Variants in SPMIP2 observed in about 807,000 individuals in gnomAD.
SPMIP2 encodes protein SPMIP2.
chr4:159,003,210 T>G, the SPMIP2 span, among the ~76,000 whole-genome samples: 2 of 152,226 alleles, frequency 1.3e-5, no homozygotes, highest in Non-Finnish European at 2.9e-5. Context: ...ATTTCCTTTT[T>G]CATTTGTTTT....
At chr4:158,972,308 G>C in the SPMIP2 span, among the ~76,000 whole-genome samples, 1 of 152,238 alleles carries the variant, frequency 6.6e-6, no homozygotes, top group Non-Finnish European at 1.5e-5. Context: ...GTTACAGCGA[G>C]TCAAGATCGT....
the SPMIP2 span, among the ~76,000 whole-genome samples, chr4:158,959,500 T>C: frequency 6.6e-6 from 1 of 152,194 alleles, no homozygotes; most frequent in Admixed American, 6.5e-5. Flanking sequence ...TTTTCTCTAT[T>C]TGATGCAGTT....
At chr4:158,946,623 G>C in the SPMIP2 span, among the ~76,000 whole-genome samples, 1 of 152,186 alleles carries the variant, frequency 6.6e-6, no homozygotes, top group East Asian at 1.9e-4. Context: ...ATGCAGAACT[G>C]TGCACCAATT....
the SPMIP2 span, among the ~76,000 whole-genome samples, chr4:159,071,196 GA>G: frequency 6.6e-6 from 1 of 152,144 alleles, no homozygotes; most frequent in Non-Finnish European, 1.5e-5. Context: ...GGAGGGAGGG[GA>G]AAATCTTTTG....
the SPMIP2 span, among the ~76,000 whole-genome samples, chr4:159,034,447 C>CAAACCATA: frequency 6.6e-6 from 1 of 152,210 alleles, no homozygotes. Context: ...TTCTCTTGCA[C>CAAACCATA]AAACCATAAA....
At chr4:158,918,015 G>A in the SPMIP2 span, among the ~76,000 whole-genome samples, 4 of 152,112 alleles carry the variant, frequency 2.6e-5, no homozygotes, top group African/African-American at 7.2e-5. Context: ...CATCGTGCCC[G>A]GCCTGACTTC....
chr4:158,916,306 A>T, the SPMIP2 span, among the ~76,000 whole-genome samples: 1 of 152,264 alleles, frequency 6.6e-6, no homozygotes, highest in Non-Finnish European at 1.5e-5. Context: ...AAATTAAGGC[A>T]GATGAGTAGA....
chr4:159,035,494 A>G, the SPMIP2 span, among the ~76,000 whole-genome samples: 1 of 152,206 alleles, frequency 6.6e-6, no homozygotes, highest in African/African-American at 2.4e-5. Flanking sequence ...ATGTTACAGC[A>G]AAAAACAAAA....
At chr4:158,893,740 T>C in the SPMIP2 span, 1 of 1,518,392 alleles carries the variant, frequency 6.6e-7, no homozygotes, top group Admixed American at 1.9e-5. Flanking sequence ...TAATGTATAT[T>C]AGACTTCATA....
At chr4:159,004,103 A>C in the SPMIP2 span, among the ~76,000 whole-genome samples, 14 of 151,334 alleles carry the variant, frequency 9.3e-5, no homozygotes, top group African/African-American at 2.9e-4. Context: ...TGCAACCTCT[A>C]CCTCCCGGGT....
At chr4:158,998,896 C>A in the SPMIP2 span, among the ~76,000 whole-genome samples, 46,093 of 151,924 alleles carry the variant, frequency 0.3, 7,323 homozygotes, top group South Asian at 0.44. Flanking sequence ...TGAGGCCAGG[C>A]GTGGTGGCTC....
At chr4:158,958,883 C>A in the SPMIP2 span, among the ~76,000 whole-genome samples, 8 of 152,312 alleles carry the variant, frequency 5.3e-5, no homozygotes, top group Non-Finnish European at 1.2e-4. Context: ...GTTGTCAATA[C>A]ATTTAATTAA....
chr4:158,946,639 T>A, the SPMIP2 span, among the ~76,000 whole-genome samples: 1 of 152,170 alleles, frequency 6.6e-6, no homozygotes, highest in Admixed American at 6.6e-5. Flanking sequence ...CAATTAAACC[T>A]CTTTCTTTAT....
chr4:158,977,347 T>A, the SPMIP2 span, among the ~76,000 whole-genome samples: 2 of 152,228 alleles, frequency 1.3e-5, no homozygotes, highest in Non-Finnish European at 2.9e-5. Context: ...CAGGAATTTA[T>A]GCATTTCTTC....
At chr4:159,024,118 G>A in the SPMIP2 span, among the ~76,000 whole-genome samples, 1 of 152,176 alleles carries the variant, frequency 6.6e-6, no homozygotes, top group East Asian at 1.9e-4. Flanking sequence ...CACCTCTCCT[G>A]CAATCCTGTC....
the SPMIP2 span, chr4:158,904,752 G>C: frequency 1.8e-6 from 1 of 546,400 alleles, no homozygotes; most frequent in Non-Finnish European, 3.3e-6. Context: ...TGATTGTCGT[G>C]AACACTTTAG....
chr4:159,077,283 A>G, the SPMIP2 span, among the ~76,000 whole-genome samples: 1 of 151,886 alleles, frequency 6.6e-6, no homozygotes, highest in Non-Finnish European at 1.5e-5. Context: ...AGTAGCTGGG[A>G]TTACAGGTGC....
At chr4:159,016,956 C>T in the SPMIP2 span, among the ~76,000 whole-genome samples, 4 of 152,060 alleles carry the variant, frequency 2.6e-5, no homozygotes, top group African/African-American at 9.7e-5. Context: ...CTGTGGGGAG[C>T]GATGAGACGG....
At chr4:158,970,457 T>C in the SPMIP2 span, among the ~76,000 whole-genome samples, 1 of 152,094 alleles carries the variant, frequency 6.6e-6, no homozygotes, top group Non-Finnish European at 1.5e-5. Flanking sequence ...GGAGGATTGC[T>C]TGAGCCCAGG....
Sources: allele counts gnomAD v4.1 joint callset (sites outside exome capture counted in the v4.1 genomes callset), GRCh38; gene constraint gnomAD v4.1.1; transcripts MANE v1.5; gene names NCBI Gene and HGNC (gene_info 2026-07-23, HGNC 2026-07-21).